Variants in BMAL2 observed in about 807,000 individuals in gnomAD.
BMAL2 encodes the protein basic helix-loop-helix ARNT-like protein 2.
chr12:27,358,025 ATATT>A, the BMAL2 span, among the ~76,000 whole-genome samples: 1 of 151,680 alleles, frequency 6.6e-6, no homozygotes. Context: ...TTTATTTTTT[ATATT>A]TATTTATTTT....
chr12:27,347,482 C>T, the BMAL2 span, among the ~76,000 whole-genome samples: 1 of 152,098 alleles, frequency 6.6e-6, no homozygotes, highest in Non-Finnish European at 1.5e-5. Flanking sequence ...TATCTCCAGC[C>T]CTCAGCTCAG....
At chr12:27,381,745 C>A in the BMAL2 span, among the ~76,000 whole-genome samples, 1 of 152,080 alleles carries the variant, frequency 6.6e-6, no homozygotes, top group Non-Finnish European at 1.5e-5. Context: ...ATAGAGTTTT[C>A]GATTTACCAA....
At chr12:27,382,152 A>G in the BMAL2 span, among the ~76,000 whole-genome samples, 1 of 152,068 alleles carries the variant, frequency 6.6e-6, no homozygotes. Context: ...GGCTTGCAAT[A>G]TTTTCCTTAA....
the BMAL2 span, among the ~76,000 whole-genome samples, chr12:27,420,019 G>GCGCGCGCGCA: frequency 7.6e-4 from 112 of 147,566 alleles, no homozygotes; most frequent in East Asian, 0.011. Context: ...GTTTGCGCGT[G>GCGCGCGCGCA]CACACACACA....
the BMAL2 span, among the ~76,000 whole-genome samples, chr12:27,404,476 G>A: frequency 2.0e-5 from 3 of 151,972 alleles, no homozygotes; most frequent in Non-Finnish European, 2.9e-5. Context: ...AGGTAGAAAT[G>A]AATTAAACAT....
the BMAL2 span, among the ~76,000 whole-genome samples, chr12:27,387,932 TC>T: frequency 2.6e-5 from 4 of 152,130 alleles, no homozygotes; most frequent in Non-Finnish European, 5.9e-5. Context: ...ATAAGGGTGT[TC>T]AGAGATAATG....
At chr12:27,365,600 C>T in the BMAL2 span, among the ~76,000 whole-genome samples, 12 of 151,600 alleles carry the variant, frequency 7.9e-5, no homozygotes, top group Non-Finnish European at 1.3e-4. Flanking sequence ...GTTTCAATTT[C>T]GGTAAGTTAA....
At chr12:27,359,856 T>G in the BMAL2 span, among the ~76,000 whole-genome samples, 83 of 151,824 alleles carry the variant, frequency 5.5e-4, no homozygotes, top group African/African-American at 2.0e-3. Flanking sequence ...TGAACACCAT[T>G]TGGAATCTGG....
chr12:27,402,476 CTGG>C, the BMAL2 span: 1 of 613,192 alleles, frequency 1.6e-6, no homozygotes, highest in South Asian at 2.4e-5. Flanking sequence ...ACCTTGATTT[CTGG>C]TGGTGATACT....
the BMAL2 span, among the ~76,000 whole-genome samples, chr12:27,338,151 TG>T: frequency 6.6e-6 from 1 of 152,284 alleles, no homozygotes; most frequent in South Asian, 2.1e-4. Flanking sequence ...GCTTAAGGTG[TG>T]GAAAGGGTTA....
At chr12:27,413,030 A>C in the BMAL2 span, among the ~76,000 whole-genome samples, 4 of 151,924 alleles carry the variant, frequency 2.6e-5, no homozygotes, top group Non-Finnish European at 4.4e-5. Context: ...CAAGAATACT[A>C]CATGTGGTAA....
the BMAL2 span, among the ~76,000 whole-genome samples, chr12:27,416,426 A>G: frequency 6.6e-6 from 1 of 152,322 alleles, no homozygotes; most frequent in South Asian, 2.1e-4. Context: ...AATACAAGCC[A>G]CAAGATAAAT....
At chr12:27,360,191 A>T in the BMAL2 span, among the ~76,000 whole-genome samples, 6,252 of 152,254 alleles carry the variant, frequency 0.041, 156 homozygotes, top group Non-Finnish European at 0.061. Context: ...AGGGAATATC[A>T]GACAAACTTA....
the BMAL2 span, among the ~76,000 whole-genome samples, chr12:27,356,369 C>T: frequency 1.3e-5 from 2 of 152,156 alleles, no homozygotes; most frequent in African/African-American, 4.8e-5. Flanking sequence ...ATTAGCTTCC[C>T]ACTACCTGGA....
chr12:27,396,067 C>T, the BMAL2 span, among the ~76,000 whole-genome samples: 1 of 152,184 alleles, frequency 6.6e-6, no homozygotes. Flanking sequence ...TAGTTAGAGC[C>T]TTTAAAGATG....
the BMAL2 span, among the ~76,000 whole-genome samples, chr12:27,411,621 A>G: frequency 0.015 from 2,349 of 152,072 alleles, 70 homozygotes; most frequent in African/African-American, 0.054. Flanking sequence ...TCATGTGCTT[A>G]TTGGCCATTT....
chr12:27,354,111 T>C, the BMAL2 span, among the ~76,000 whole-genome samples: 1 of 152,196 alleles, frequency 6.6e-6, no homozygotes, highest in South Asian at 2.1e-4. Context: ...AAAAGACATA[T>C]GCATTCATAT....
At chr12:27,409,994 A>C in the BMAL2 span, among the ~76,000 whole-genome samples, 10 of 152,164 alleles carry the variant, frequency 6.6e-5, no homozygotes, top group African/African-American at 1.4e-4. Context: ...ACATGAAAAA[A>C]TGCTCATCAT....
the BMAL2 span, among the ~76,000 whole-genome samples, chr12:27,366,747 T>C: frequency 6.6e-6 from 1 of 152,244 alleles, no homozygotes; most frequent in Non-Finnish European, 1.5e-5. Context: ...AAAAGCTTTA[T>C]GTACCAAAGT....
Sources: gnomAD v4.1 joint callset for allele counts (sites outside exome capture counted in the v4.1 genomes callset) on GRCh38, gnomAD v4.1.1 for gene constraint, MANE v1.5 for transcripts, NCBI Gene and HGNC (gene_info 2026-07-23, HGNC 2026-07-21) for gene names.